OGDH: variants seen among roughly 807,000 people sequenced by gnomAD.
OGDH encodes the protein 2-oxoglutarate dehydrogenase complex component E1.
OGDH carries 38 observed loss-of-function variants against 116.6 expected under a neutral mutation model. The observed-to-expected ratio is 0.33, with a 90% CI of 0.25 to 0.43. The LOEUF is 0.43. Ranked by LOEUF, OGDH falls within the 20% of genes least tolerant of loss-of-function variation. The pLI is 1.00. For synonymous variants in OGDH, 488 were observed against 533.3 expected (o/e 0.92, Z 1.17); for missense variants, 825 against 1,357.2 (o/e 0.61, Z 6.16).
chr7:44,625,092 T>C (rs1785151926), intron 2 of OGDH, among the ~76,000 whole-genome samples: 2 of 152,196 alleles, frequency 1.3e-5, no homozygotes, highest in Admixed American at 6.5e-5. Flanking sequence ...CTGATGTAAG[T>C]CATGTCTTGT....
At chr7:44,680,381 G>T (rs986478516) in intron 9 of OGDH, among the ~76,000 whole-genome samples, 1 of 152,156 alleles carries the variant, frequency 6.6e-6, no homozygotes, top group Non-Finnish European at 1.5e-5. Context: ...CATGATTGTG[G>T]CATTGGGGAC....
rs190858353 is a variant in OGDH, at chr7:44,652,944, A to G, written c.517+5185A>G. Among the ~76,000 whole-genome samples the G allele has an allele frequency of 3.3e-5, 5 of 152,256 alleles. No homozygotes were observed. In the East Asian group the frequency reaches 9.6e-4, roughly 29 times the overall value. On this transcript the variant is annotated intron_variant, in intron 4 of 22. Transcript: ENST00000222673. ...GGTACCACGGTAGATATGGGTGTAT[A>G]TTGCAAAACACTAGAACCAGAGTAT...
chr7:44,624,683 C>T, intron 2 of OGDH, 118 bp downstream of exon 2: 2 of 820,214 alleles, frequency 2.4e-6, no homozygotes, highest in East Asian at 2.5e-5. Context: ...AGCTGGAGCG[C>T]CATACCAACC....
At chr7:44,663,175 C>T (rs1787023814) in intron 4 of OGDH, among the ~76,000 whole-genome samples, 1 of 152,208 alleles carries the variant, frequency 6.6e-6, no homozygotes, top group Admixed American at 6.5e-5. Context: ...TTCAAATATA[C>T]TGATTCTCTG....
chr7:44,701,851 C>G (rs118164698), intron 20 of OGDH, among the ~76,000 whole-genome samples: 6,097 of 152,206 alleles, frequency 0.04, 155 homozygotes, highest in Middle Eastern at 0.099. Context: ...GAGGGCAGAT[C>G]ACCTGAGGTC....
intron 9 of OGDH, among the ~76,000 whole-genome samples, chr7:44,680,539 T>TACAC (rs56718274): frequency 0.023 from 3,405 of 145,904 alleles, 69 homozygotes; most frequent in African/African-American, 0.059. Flanking sequence ...TTTTATTGCA[T>TACAC]ACACACACAC....
chr7:44,609,820 T>C (rs1784496093), intron 1 of OGDH, among the ~76,000 whole-genome samples: 1 of 152,204 alleles, frequency 6.6e-6, no homozygotes, highest in South Asian at 2.1e-4. Flanking sequence ...CACTGTATGG[T>C]CTTGTTTCTC....
chr7:44,666,486 G>A, intron 4 of OGDH: 1 of 254,660 alleles, frequency 3.9e-6, no homozygotes. Context: ...ACTAACTTAT[G>A]CATAATATGA....
rs920700972 is a variant in OGDH at position 44,708,170 on chromosome 7, T to C, written c.*171T>C. 2 of 911,504 alleles carry C rather than the reference T, an allele frequency of 2.2e-6. No homozygotes were observed. The highest frequency in any genetic ancestry group is 3.3e-5 in the African/African-American group (2 of 59,918). The allele number at this position is 911,504 out of a possible 1,614,324, so 56.5% of individuals were successfully genotyped here. ...TAGGCTGTCGTCCCCCTCCAGTGCT[T>C]GGCTGCCCCACAGGCCACACGCTGC... On this transcript the variant is annotated 3_prime_UTR_variant, in exon 23 of 23. Coordinates refer to ENST00000222673, the MANE Select transcript of OGDH (RefSeq NM_002541.4).
rs373615811 is a variant in OGDH at position 44,645,421 on chromosome 7, C to T, written c.317C>T (p.Ala106Val). The change falls in exon 3 of 23, where the codon GCT becomes GTT. Residue 106 changes from alanine to valine, a missense_variant. Physicochemically the swap from Ala to Val is moderately conservative, Grantham distance 64. Transcript: ENST00000222673. ...PLPLSRGSLA[A>V]VAHAQSLVEA... Reference sequence around the variant, plus strand: ...CCCCTGAGCCGAGGCTCCCTGGCTGCTGTGGCCCATGCACAGTCCCTGGTA... The same window carrying T: ...CCCCTGAGCCGAGGCTCCCTGGCTGTTGTGGCCCATGCACAGTCCCTGGTA... The T allele has an allele frequency of 5.6e-6, 9 of 1,614,084 alleles. No homozygotes were observed. The African/African-American group carries it at 1.1e-4, about 19-fold the overall frequency.
rs528885348 is a variant in OGDH at position 44,616,442 on chromosome 7, T to A, written c.-27-7875T>A. ...AGTCCCTACCAGTGGTGACCACCCA[T>A]GATTGGTGAGCTAAATAGGCTTCTG... On this transcript the variant is annotated intron_variant, in intron 1 of 22. Coordinates refer to ENST00000222673, the MANE Select transcript of OGDH (RefSeq NM_002541.4). 3.7e-4 allele frequency among the ~76,000 whole-genome samples: 56 copies of A among 152,130 alleles called. 2 individuals are homozygous for A. In the South Asian group the frequency reaches 0.011, roughly 31 times the overall value.
intron 9 of OGDH, chr7:44,676,610 G>GTATATATATATA (rs1471345029): frequency 1.5e-4 from 21 of 140,810 alleles, no homozygotes; most frequent in African/African-American, 6.0e-4. Flanking sequence ...ATGTGTGTGT[G>GTATATATATATA]TGTGTATATA....
intron 1 of OGDH, among the ~76,000 whole-genome samples, chr7:44,611,150 A>C (rs1784548846): frequency 6.8e-6 from 1 of 147,232 alleles, no homozygotes; most frequent in African/African-American, 2.5e-5. Flanking sequence ...ATCACAGCTC[A>C]CCGCAGCCTC....
intron 1 of OGDH, among the ~76,000 whole-genome samples, chr7:44,612,861 G>GT (rs1554295942): frequency 2.1e-5 from 3 of 146,284 alleles, no homozygotes; most frequent in Admixed American, 6.8e-5. Context: ...ACGCCTGGCT[G>GT]TTTTTTTTCT....
rs552930142 is a variant in OGDH, at chr7:44,693,198, C to T, written c.1336-627C>T. Among the ~76,000 whole-genome samples the T allele has an allele frequency of 9.2e-5, 14 of 152,088 alleles. No homozygotes were observed. The South Asian group carries it at 2.7e-3, about 29-fold the overall frequency. ...TGGTGCGTGCCTGTATTCCCAGCTA[C>T]TGGGGAGGCTAAGGCAGGATAATCG... On this transcript the variant is annotated intron_variant, in intron 10 of 22. Coordinates refer to ENST00000222673, the MANE Select transcript of OGDH (RefSeq NM_002541.4).
chr7:44,707,566 C>T lies in OGDH; in HGVS notation c.2797-16C>T, dbSNP rs759945950. ...CTGAGTTTCCTCTTTTTGATCTGAC[C>T]CCTGCTGTCTCCTAGCTGTCGCCAT... is the stretch of plus-strand genomic sequence containing the variant. On this transcript the variant is annotated splice_polypyrimidine_tract_variant and intron_variant, in intron 21 of 22. Transcript: ENST00000222673. The surrounding 1 kb of genome is among the most constrained non-coding windows in gnomAD (Gnocchi z 5.2). 5 of 1,613,166 alleles carry T rather than the reference C, an allele frequency of 3.1e-6. No homozygotes were observed. Among genetic ancestry groups the T allele is most frequent in the Non-Finnish European group, 4.2e-6 (5 of 1,179,900 alleles).
At chr7:44,664,051 C>G (rs887349327) in intron 4 of OGDH, among the ~76,000 whole-genome samples, 2 of 152,082 alleles carry the variant, frequency 1.3e-5, no homozygotes, top group Admixed American at 1.3e-4. Flanking sequence ...TTTTCTCATT[C>G]ACTATGAGAT....
At chr7:44,680,808 G>A (rs766105202) in intron 9 of OGDH, among the ~76,000 whole-genome samples, 8 of 152,192 alleles carry the variant, frequency 5.3e-5, no homozygotes, top group Non-Finnish European at 8.8e-5. Flanking sequence ...AGGAAGCAAG[G>A]AGGTGCTCAT....
Position 44,624,549 on chromosome 7 carries a change from C to A in OGDH, c.206C>A (p.Pro69His). The change falls in exon 2 of 23, where the codon CCC becomes CAC. Residue 69 changes from proline to histidine, a missense_variant. Pro to His is a moderately conservative substitution (Grantham distance 77). Transcript: ENST00000222673. Reference protein sequence around the residue: ...EEMYCAWLENPKSVHKSWDIF... With the variant: ...EEMYCAWLENHKSVHKSWDIF... The stretch of plus-strand genomic sequence containing the variant: ...ATGTACTGTGCTTGGCTGGAAAACC[C>A]CAAAAGTGTACATAAGGTAAGGCTC... The A allele has an allele frequency of 6.2e-7, 1 of 1,613,628 alleles. No homozygotes were observed. The highest frequency in any genetic ancestry group is 8.5e-7 in the Non-Finnish European group (1 of 1,179,984).
Sources: gnomAD v4.1 joint callset for allele counts (sites outside exome capture counted in the v4.1 genomes callset) on GRCh38, gnomAD v4.1.1 for gene constraint, Gnocchi (gnomAD v3.1) non-coding constraint, MANE v1.5 for transcripts, NCBI Gene and HGNC (gene_info 2026-07-23, HGNC 2026-07-21) for gene names.